DNMBP: variants seen among roughly 807,000 people sequenced by gnomAD.
DNMBP encodes dynamin binding protein, also known as dynamin-binding protein.
Under a neutral mutation model 150.0 loss-of-function variants are expected in DNMBP, and 87 were observed. The observed-to-expected ratio is 0.58, with a 90% CI of 0.49 to 0.69. The LOEUF is 0.69. Among genes scored for constraint, DNMBP ranks in the 30% least tolerant of loss-of-function variants. The pLI is 0.00. For missense variants in DNMBP, 1,774 were observed against 1,949.0 expected (o/e 0.91, Z 1.69); for synonymous variants, 711 against 750.4 (o/e 0.95, Z 0.86).
intron 16 of DNMBP, among the ~76,000 whole-genome samples, 165 bp downstream of exon 16, chr10:99,879,646 A>G (rs999342980): frequency 2.6e-5 from 4 of 152,172 alleles, no homozygotes; most frequent in African/African-American, 7.2e-5. Flanking sequence ...GGTGCTCAGA[A>G]GGCTCTGATG....
chr10:99,942,337 T>C (rs2040309795), intron 4 of DNMBP, among the ~76,000 whole-genome samples: 1 of 152,236 alleles, frequency 6.6e-6, no homozygotes, highest in Non-Finnish European at 1.5e-5. Context: ...CAGAGATTGA[T>C]TGCTACTGTG....
At position 99,990,647 on chromosome 10, in the gene DNMBP, A is replaced by T. The variant is rs138224171; in HGVS notation, c.-10-18513T>A. Among the ~76,000 whole-genome samples the T allele has an allele frequency of 8.2e-3, 1,238 of 151,606 alleles. 15 individuals are homozygous for T. Among genetic ancestry groups the T allele is most frequent in the Middle Eastern group, 0.045 (13 of 292 alleles). On this transcript the variant is annotated intron_variant, in intron 1 of 16. Coordinates refer to ENST00000324109, the MANE Select transcript of DNMBP (RefSeq NM_015221.4). ...AAAGGACAAGAAAGACAGTGTGTGT[A>T]TAAGTGTATATATATACACACATAT...
intron 4 of DNMBP, among the ~76,000 whole-genome samples, chr10:99,947,950 G>C (rs1350741679): frequency 6.6e-6 from 1 of 152,044 alleles, no homozygotes; most frequent in Non-Finnish European, 1.5e-5. Context: ...TATTTTTGCA[G>C]CTTTCTATAA....
chr10:99,956,783 C>T lies in DNMBP; in HGVS notation c.691G>A (p.Gly231Arg). 1 of 1,614,148 alleles carries T rather than the reference C, an allele frequency of 6.2e-7. No individual in the cohort carries two copies. Among genetic ancestry groups the T allele is most frequent in the East Asian group, 2.2e-5 (1 of 44,878 alleles). Residue 231 changes from glycine to arginine, a missense_variant, in exon 4 of 17, where the codon GGA becomes AGA. Physicochemically the swap from Gly to Arg is moderately radical, Grantham distance 125 (BLOSUM62 -2). Coordinates refer to ENST00000324109, the MANE Select transcript of DNMBP (RefSeq NM_015221.4). Reference sequence around the variant, plus strand: ...TCATCCGGCCCTATCTCTTCTTCTCCTACAGGGGTATCTACTTCACCATTA... The same window carrying T: ...TCATCCGGCCCTATCTCTTCTTCTCTTACAGGGGTATCTACTTCACCATTA... ...IVNGEVDTPV[G>R]EEEIGPDEDE... is the part of the protein sequence containing the mutation.
chr10:99,955,964 TTGCTAGGTTG>T lies in DNMBP; in HGVS notation c.1500_1509del (p.His500GlnfsTer21). The T allele has an allele frequency of 2.5e-6, 4 of 1,614,174 alleles. No individual in the cohort carries two copies. Among genetic ancestry groups the T allele is most frequent in the Non-Finnish European group, 3.4e-6 (4 of 1,180,022 alleles). On this transcript the variant is annotated frameshift_variant, in exon 4 of 17. Transcript: ENST00000324109. LOFTEE classifies it high-confidence loss of function. ...GACGTGTGGTGCTTTTTAGTATAAC[TTGCTAGGTTG>T]TGGAGCTGAGGACTTGATTGTCTGG...
intron 1 of DNMBP, among the ~76,000 whole-genome samples, chr10:99,983,015 G>T (rs929690681): frequency 1.6e-4 from 25 of 151,998 alleles, no homozygotes; most frequent in Admixed American, 1.6e-3. Flanking sequence ...TTCTGAAGGG[G>T]TTTCCTTAAC....
At chr10:99,948,373 A>G (rs757739820) in intron 4 of DNMBP, among the ~76,000 whole-genome samples, 2 of 152,222 alleles carry the variant, frequency 1.3e-5, no homozygotes, top group Non-Finnish European at 2.9e-5. Flanking sequence ...AGGAATTCCA[A>G]CTTCTTACTC....
At chr10:99,941,199 G>A (rs537665088) in intron 4 of DNMBP, among the ~76,000 whole-genome samples, 61 of 151,958 alleles carry the variant, frequency 4.0e-4, no homozygotes, top group African/African-American at 1.4e-3. Context: ...TTGCCCCTTC[G>A]TGAAACCGTT....
intron 4 of DNMBP, among the ~76,000 whole-genome samples, chr10:99,926,143 T>G (rs1367815756): frequency 6.6e-6 from 1 of 152,188 alleles, no homozygotes; most frequent in African/African-American, 2.4e-5. Context: ...CCCCTTCTCA[T>G]CATAACCATG....
chr10:99,917,744 T>C (rs1589417298), intron 4 of DNMBP, among the ~76,000 whole-genome samples: 2 of 151,582 alleles, frequency 1.3e-5, no homozygotes, highest in East Asian at 3.9e-4. Context: ...GGCGGGTGGA[T>C]CACGAGGTCA....
intron 11 of DNMBP, among the ~76,000 whole-genome samples, chr10:99,891,282 T>G (rs1220273758): frequency 7.1e-6 from 1 of 140,470 alleles, no homozygotes; most frequent in South Asian, 2.6e-4. Flanking sequence ...GCAACCTCCC[T>G]GCCTGATTCT....
chr10:99,932,587 G>A (rs2040172052), intron 4 of DNMBP, among the ~76,000 whole-genome samples: 1 of 150,646 alleles, frequency 6.6e-6, no homozygotes, highest in African/African-American at 2.4e-5. Flanking sequence ...CCCAAAAGGA[G>A]TCCGTGAGGA....
chr10:99,942,272 CA>C (rs557915674), intron 4 of DNMBP, among the ~76,000 whole-genome samples: 1 of 151,986 alleles, frequency 6.6e-6, no homozygotes, highest in South Asian at 2.1e-4. Flanking sequence ...GACAAAAAGG[CA>C]AAAAAATATA....
chr10:99,995,252 A>G (rs1564758400), intron 1 of DNMBP, among the ~76,000 whole-genome samples: 1 of 151,850 alleles, frequency 6.6e-6, no homozygotes, highest in Non-Finnish European at 1.5e-5. Context: ...GGATTTCCCC[A>G]TGTTGCCCAG....
Position 99,880,061 on chromosome 10 carries a change from C to T in DNMBP, c.4298G>A (p.Arg1433Lys). 1 of 1,614,166 alleles carries T rather than the reference C, an allele frequency of 6.2e-7. No individual in the cohort carries two copies. The highest frequency in any genetic ancestry group is 8.5e-7 in the Non-Finnish European group (1 of 1,180,026). The change falls in exon 16 of 17, where the codon AGA (arginine) becomes AAA (lysine). Residue 1433 changes from arginine to lysine, a missense_variant. Arg to Lys is a conservative substitution (Grantham distance 26, BLOSUM62 2). Coordinates refer to ENST00000324109, the MANE Select transcript of DNMBP (RefSeq NM_015221.4). ...NPSNSESSPS[R>K]CPSDPDSTSQ... Reference sequence around the variant, plus strand: ...GGTGGAGTCTGGGTCTGAAGGGCATCTGGAAGGACTACTCTCTGAATTACT... The same window carrying T: ...GGTGGAGTCTGGGTCTGAAGGGCATTTGGAAGGACTACTCTCTGAATTACT...
chr10:99,881,192 C>T (rs1195539632), intron 15 of DNMBP, among the ~76,000 whole-genome samples: 1 of 152,080 alleles, frequency 6.6e-6, no homozygotes, highest in Non-Finnish European at 1.5e-5. Context: ...CATGCCATTG[C>T]ACTCCAACCT....
intron 4 of DNMBP, among the ~76,000 whole-genome samples, chr10:99,916,987 TGA>T (rs1243199603): frequency 6.6e-6 from 1 of 150,972 alleles, no homozygotes; most frequent in Non-Finnish European, 1.5e-5. Context: ...GGTGACAGAG[TGA>T]GACTCTGTCT....
At chr10:99,913,918 TC>T in intron 4 of DNMBP, 1 of 1,300,864 alleles carries the variant, frequency 7.7e-7, no homozygotes, top group Middle Eastern at 2.0e-4. Context: ...CTGTTCCACT[TC>T]CTTCTGTGCT....
chr10:99,972,642 G>A (rs2040690149), intron 1 of DNMBP, among the ~76,000 whole-genome samples: 1 of 148,488 alleles, frequency 6.7e-6, no homozygotes, highest in Non-Finnish European at 1.5e-5. Flanking sequence ...AACAGGTCTC[G>A]CTTTATCACC....
Sources: allele counts gnomAD v4.1 joint callset (sites outside exome capture counted in the v4.1 genomes callset), GRCh38; gene constraint gnomAD v4.1.1; transcripts MANE v1.5; gene names NCBI Gene and HGNC (gene_info 2026-07-23, HGNC 2026-07-21).